The following RCOR3 variants were observed in gnomAD, a reference collection of about 807,000 sequenced individuals.
RCOR3 encodes REST corepressor 3.
RCOR3 carries 13 observed loss-of-function variants against 64.1 expected under a neutral mutation model. The observed-to-expected ratio is 0.20, with a 90% confidence interval of 0.13 to 0.32. RCOR3 has a LOEUF of 0.32. Among genes scored for constraint, RCOR3 ranks in the 10% least tolerant of loss-of-function variants. The pLI is 1.00. For missense variants in RCOR3, 489 were observed against 701.2 expected (o/e 0.70, Z 3.42); for synonymous variants, 215 against 239.0 (o/e 0.90, Z 0.93).
chr1:211,276,177 A>G (rs1696938651), intron 4 of RCOR3, 80 bp from the exon 5 acceptor site: 1 of 1,359,028 alleles, frequency 7.4e-7, no homozygotes, highest in African/African-American at 1.5e-5. Context: ...TAAGATTTTA[A>G]TCTAATTTGT....
chr1:211,288,124 C>A (rs1011225806), intron 7 of RCOR3, among the ~76,000 whole-genome samples: 1 of 151,206 alleles, frequency 6.6e-6, no homozygotes, highest in African/African-American at 2.4e-5. Context: ...GTGGGAGGAT[C>A]ATTTGAGCCC....
In RCOR3 at chr1:211,289,562, G is replaced by C. The variant is rs74515023; in HGVS notation, c.939+166G>C. Among the ~76,000 whole-genome samples the C allele has an allele frequency of 1.2e-3, 181 of 152,262 alleles. 2 individuals carry two copies. In the East Asian group the frequency reaches 0.029, roughly 24 times the overall value. ...TAAGTCCAACTTAGAAGATACCTCTGCCTGTTCTAGATTTGAATCCCAGCA... is the reference window on the plus strand; with the variant it reads ...TAAGTCCAACTTAGAAGATACCTCTCCCTGTTCTAGATTTGAATCCCAGCA... On this transcript the variant is annotated intron_variant, in intron 8 of 11. Transcript: ENST00000419091.
intron 3 of RCOR3, 103 bp from the exon 4 acceptor site, chr1:211,274,107 C>T: frequency 2.3e-5 from 16 of 687,246 alleles, no homozygotes; most frequent in Middle Eastern, 4.3e-4. Context: ...TTTTTTTACC[C>T]TGGAATATAA....
chr1:211,284,783 A>G (rs1455327502), intron 7 of RCOR3, among the ~76,000 whole-genome samples: 3 of 152,182 alleles, frequency 2.0e-5, no homozygotes, highest in Admixed American at 6.5e-5. Flanking sequence ...TGGCCTCCCA[A>G]AGTGCTGGGA....
rs61851025 is a variant in RCOR3 at position 211,288,883 on chromosome 1, A to G, written c.721-295A>G. ...GAAAATATATCACATCTTGAAGTAC[A>G]TAGGAAAGTTTAGAGTCTTAACTTA... On this transcript the variant is annotated intron_variant, in intron 7 of 11. Coordinates refer to ENST00000419091, the MANE Select transcript of RCOR3 (RefSeq NM_001136223.3). Among the ~76,000 whole-genome samples the G allele has an allele frequency of 9.5e-3, 1,447 of 152,128 alleles. 11 individuals carry two copies. Among genetic ancestry groups the G allele is most frequent in the Non-Finnish European group, 0.016 (1,055 of 67,982 alleles).
At chr1:211,302,397 A>C (rs1320625827) in intron 9 of RCOR3, 2 of 152,240 alleles carry the variant, frequency 1.3e-5, no homozygotes, top group Non-Finnish European at 2.9e-5. Context: ...GATCACTCAC[A>C]GGCAAGCACT....
intron 8 of RCOR3, among the ~76,000 whole-genome samples, chr1:211,293,570 C>T (rs1342368175): frequency 6.6e-6 from 1 of 152,170 alleles, no homozygotes; most frequent in Non-Finnish European, 1.5e-5. Flanking sequence ...ACCTGTTCAT[C>T]AACATATATA....
chr1:211,274,192 A>C lies in RCOR3; in HGVS notation c.302-18A>C. Reference sequence around the variant, plus strand: ...AGTAAATGAGAATAATTAATTATATAACATTATTTCATTGCAGTGGATGAA... The same window carrying C: ...AGTAAATGAGAATAATTAATTATATCACATTATTTCATTGCAGTGGATGAA... On this transcript the variant is annotated intron_variant, in intron 3 of 11. Transcript: ENST00000419091. 1 of 1,524,424 alleles carries C rather than the reference A, an allele frequency of 6.6e-7. No individual in the cohort carries two copies. The highest frequency in any genetic ancestry group is 9.0e-7 in the Non-Finnish European group (1 of 1,105,798). The allele number at this position is 1,524,424 out of a possible 1,614,324, so 94.4% of individuals were successfully genotyped here.
chr1:211,279,567 C>G (rs1278130868), intron 7 of RCOR3, among the ~76,000 whole-genome samples: 1 of 152,166 alleles, frequency 6.6e-6, no homozygotes, highest in East Asian at 1.9e-4. Context: ...TGACCTCATT[C>G]AGTTTAGTGA....
At chr1:211,287,575 T>A (rs1698703286) in intron 7 of RCOR3, among the ~76,000 whole-genome samples, 1 of 152,176 alleles carries the variant, frequency 6.6e-6, no homozygotes, top group Non-Finnish European at 1.5e-5. Flanking sequence ...AGCAATTAAG[T>A]GGATTATGCT....
chr1:211,307,844 TTTAG>T (rs1424040596), intron 10 of RCOR3, among the ~76,000 whole-genome samples: 3 of 151,660 alleles, frequency 2.0e-5, no homozygotes, highest in East Asian at 1.9e-4. Context: ...ATTTTTTATA[TTTAG>T]TTATTTTTTA....
Position 211,289,329 on chromosome 1 carries a change from G to A in RCOR3, c.872G>A (p.Cys291Tyr). 6.2e-7 allele frequency: 1 copy of A among 1,614,136 alleles called. No individual in the cohort carries two copies. Among genetic ancestry groups the A allele is most frequent in the Non-Finnish European group, 8.5e-7 (1 of 1,180,020 alleles). Residue 291 changes from cysteine (C) to tyrosine (Y), a missense_variant, in exon 8 of 12, where the codon TGT (cysteine) becomes TAT (tyrosine). Cys to Tyr is a radical substitution (Grantham distance 194). Coordinates refer to ENST00000419091, the MANE Select transcript of RCOR3 (RefSeq NM_001136223.3). ...CAGGAAGATGTGGTAGCAGTTTCCT[G>A]TAGTCCCAATGCAGCCAACACCATC... ...LTQEDVVAVS[C>Y]SPNAANTILR...
chr1:211,266,448 A>C (rs1465239168), intron 2 of RCOR3, among the ~76,000 whole-genome samples: 1 of 152,202 alleles, frequency 6.6e-6, no homozygotes, highest in Non-Finnish European at 1.5e-5. Flanking sequence ...TAATAATTTC[A>C]AAGGGATTAA....
chr1:211,264,023 A>G (rs1694799182), intron 2 of RCOR3, among the ~76,000 whole-genome samples: 1 of 152,144 alleles, frequency 6.6e-6, no homozygotes, highest in African/African-American at 2.4e-5. Context: ...AGGTTTCACC[A>G]TGTTGGCCGG....
intron 7 of RCOR3, among the ~76,000 whole-genome samples, chr1:211,285,495 CAG>C (rs1454072158): frequency 1.3e-5 from 2 of 152,160 alleles, no homozygotes; most frequent in African/African-American, 4.8e-5. Flanking sequence ...GAAAGTTACT[CAG>C]AGTCACTTCT....
chr1:211,260,716 C>T (rs912761125), intron 2 of RCOR3, among the ~76,000 whole-genome samples: 3 of 137,372 alleles, frequency 2.2e-5, no homozygotes, highest in East Asian at 2.6e-4. Context: ...GGCAGCTCTG[C>T]GGAGTGCAGG....
In RCOR3 at chr1:211,316,053, A is replaced by G. The variant is rs545771606; in HGVS notation, c.*2285A>G. The stretch of plus-strand genomic sequence containing the variant: ...CTATTTTTATATAATTTCATGTTCT[A>G]TGAGGAATTTAGTACCTCTTCACTG... On this transcript the variant is annotated 3_prime_UTR_variant, in exon 12 of 12. Transcript: ENST00000419091. The G allele has an allele frequency of 2.0e-5, 3 of 152,354 alleles. No individual in the cohort carries two copies. Among genetic ancestry groups the G allele is most frequent in the Non-Finnish European group, 2.9e-5 (2 of 68,042 alleles). 9.4% of individuals were successfully genotyped at this position (152,354 alleles called of 1,614,324 possible). A position where few individuals can be genotyped will look rare whatever the true frequency, so the allele number is the denominator to read the frequency against.
chr1:211,282,073 A>C (rs778195739), intron 7 of RCOR3, among the ~76,000 whole-genome samples: 11 of 152,202 alleles, frequency 7.2e-5, no homozygotes, highest in Non-Finnish European at 1.5e-4. Flanking sequence ...GTATGTGTAT[A>C]TATGTATGTA....
At position 211,313,014 on chromosome 1, in the gene RCOR3, GTGTGGTATTC is replaced by G; in HGVS notation, c.1317+57_1317+66del. The G allele has an allele frequency of 6.2e-7, 1 of 1,611,564 alleles. No homozygotes were observed. The highest frequency in any genetic ancestry group is 8.5e-7 in the Non-Finnish European group (1 of 1,178,326). ...ATATGAGTTGAGGAATCACCATTTT[GTGTGGTATTC>G]TGTAAGGTTAATTTGTCAAGAGGAC... is the stretch of plus-strand genomic sequence containing the variant. On this transcript the variant is annotated intron_variant, in intron 11 of 11. Transcript: ENST00000419091. The surrounding 1 kb of genome is among the most constrained non-coding windows in gnomAD (Gnocchi z 4.7).
Sources: allele counts gnomAD v4.1 joint callset (sites outside exome capture counted in the v4.1 genomes callset), GRCh38; gene constraint gnomAD v4.1.1; non-coding constraint Gnocchi (gnomAD v3.1); transcripts MANE v1.5; gene names NCBI Gene and HGNC (gene_info 2026-07-23, HGNC 2026-07-21).